Variants in CCSER1 observed in about 807,000 individuals in gnomAD.
CCSER1 encodes serine-rich coiled-coil domain-containing protein 1.
In CCSER1, 41 loss-of-function variants were observed where a neutral mutation model predicts 82.0. That is an observed-to-expected ratio of 0.50 (90% CI 0.39 to 0.65). The LOEUF is 0.65. Ranked by LOEUF, CCSER1 falls within the 30% of genes least tolerant of loss-of-function variation. CCSER1 has a pLI of 0.00. For missense variants in CCSER1, 1,119 were observed against 1,064.2 expected (o/e 1.05, Z -0.72); for synonymous variants, 414 against 383.9 (o/e 1.08, Z -0.92).
At chr4:91,381,797 T>C (rs116220008) in intron 10 of CCSER1, among the ~76,000 whole-genome samples, 2,994 of 152,294 alleles carry the variant, frequency 0.02, 77 homozygotes, top group African/African-American at 0.067. Context: ...GATCTGAGTT[T>C]CTTTGGAGGG....
At chr4:90,847,894 G>T (rs1281231751) in intron 8 of CCSER1, among the ~76,000 whole-genome samples, 1 of 151,694 alleles carries the variant, frequency 6.6e-6, no homozygotes, top group African/African-American at 2.4e-5. Context: ...TTTTTCTCTT[G>T]TTCTTTTTAC....
intron 5 of CCSER1, among the ~76,000 whole-genome samples, chr4:90,581,610 A>C (rs1781423877): frequency 6.6e-6 from 1 of 152,178 alleles, no homozygotes; most frequent in African/African-American, 2.4e-5. Context: ...TTTGGGGGAA[A>C]TCCCTTTAAT....
chr4:91,330,629 C>G (rs1417302801), intron 10 of CCSER1, among the ~76,000 whole-genome samples: 1 of 152,150 alleles, frequency 6.6e-6, no homozygotes, highest in Admixed American at 6.6e-5. Flanking sequence ...TCTTCATTAT[C>G]TTTTCAGTTT....
At chr4:90,809,709 A>G (rs1302119861) in intron 7 of CCSER1, among the ~76,000 whole-genome samples, 1 of 147,382 alleles carries the variant, frequency 6.8e-6, no homozygotes, top group Non-Finnish European at 1.5e-5. Context: ...CAATGAAAAT[A>G]AAATTAAAAA....
intron 9 of CCSER1, among the ~76,000 whole-genome samples, chr4:90,983,124 A>G (rs1227426575): frequency 1.3e-5 from 2 of 151,760 alleles, no homozygotes; most frequent in African/African-American, 4.8e-5. Context: ...AATCACTATC[A>G]CAACCTTTTA....
chr4:90,864,918 A>G (rs1050567743), intron 8 of CCSER1, among the ~76,000 whole-genome samples: 1 of 152,000 alleles, frequency 6.6e-6, no homozygotes, highest in Non-Finnish European at 1.5e-5. Context: ...TTACATTTCT[A>G]TGACTGCTGG....
intron 10 of CCSER1, among the ~76,000 whole-genome samples, chr4:91,536,651 G>A (rs113364775): frequency 8.5e-5 from 13 of 152,088 alleles, no homozygotes; most frequent in African/African-American, 1.7e-4. Context: ...TGTCACTTCC[G>A]TGACCAAAGG....
At chr4:90,529,225 A>T (rs1326071892) in intron 5 of CCSER1, among the ~76,000 whole-genome samples, 2 of 151,270 alleles carry the variant, frequency 1.3e-5, no homozygotes, top group South Asian at 2.1e-4. Flanking sequence ...TTTATTTTTT[A>T]TTTTTTTGCG....
intron 10 of CCSER1, among the ~76,000 whole-genome samples, chr4:91,260,609 G>T (rs568550939): frequency 1.4e-4 from 21 of 152,188 alleles, no homozygotes; most frequent in African/African-American, 5.1e-4. Flanking sequence ...TTCCAAAACC[G>T]CTGTTGTTCG....
chr4:90,843,846 A>G (rs561514355), intron 8 of CCSER1, among the ~76,000 whole-genome samples: 1 of 152,126 alleles, frequency 6.6e-6, no homozygotes, highest in Non-Finnish European at 1.5e-5. Flanking sequence ...TTGTTCTGTA[A>G]TTATTACTGC....
At chr4:91,230,551 A>T (rs1738543173) in intron 10 of CCSER1, among the ~76,000 whole-genome samples, 1 of 152,102 alleles carries the variant, frequency 6.6e-6, no homozygotes, top group Admixed American at 6.6e-5. Flanking sequence ...AGAGATTTTT[A>T]AAATTACTTT....
At chr4:91,505,414 T>G in intron 10 of CCSER1, among the ~76,000 whole-genome samples, 1 of 152,204 alleles carries the variant, frequency 6.6e-6, no homozygotes. Flanking sequence ...TATGCGTGCA[T>G]GTATCTGTAT....
At chr4:90,673,445 A>G (rs2149162254) in intron 6 of CCSER1, among the ~76,000 whole-genome samples, 3 of 152,112 alleles carry the variant, frequency 2.0e-5, no homozygotes, top group Admixed American at 2.0e-4. Context: ...AGCACATCCC[A>G]TTTGTTGGGC....
At chr4:91,059,453 G>T (rs1360290991) in intron 9 of CCSER1, among the ~76,000 whole-genome samples, 1 of 62,456 alleles carries the variant, frequency 1.6e-5, no homozygotes, top group Non-Finnish European at 4.3e-5. Context: ...GCTTTATTAA[G>T]GTTATATATA....
At chr4:91,251,747 G>A (rs76486876) in intron 10 of CCSER1, among the ~76,000 whole-genome samples, 53 of 152,162 alleles carry the variant, frequency 3.5e-4, no homozygotes, top group African/African-American at 9.4e-4. Context: ...TATTACATAC[G>A]TATATAGAAT....
chr4:90,844,810 G>A (rs2149893572), intron 8 of CCSER1, among the ~76,000 whole-genome samples: 2 of 152,220 alleles, frequency 1.3e-5, no homozygotes, highest in South Asian at 4.1e-4. Flanking sequence ...ACAGAGGTTT[G>A]CATTGCTCAA....
At chr4:91,133,823 G>A (rs188478383) in intron 10 of CCSER1, among the ~76,000 whole-genome samples, 10 of 152,250 alleles carry the variant, frequency 6.6e-5, no homozygotes, top group Non-Finnish European at 1.0e-4. Flanking sequence ...AGTGCTTGCC[G>A]GGCATGCTGG....
At chr4:90,324,417 C>A (rs1351472239) in intron 3 of CCSER1, among the ~76,000 whole-genome samples, 1 of 144,196 alleles carries the variant, frequency 6.9e-6, no homozygotes, top group Admixed American at 6.9e-5. Context: ...TCTCTGATGG[C>A]CAGTGATGGT....
chr4:91,412,022 A>G (rs916223115), intron 10 of CCSER1, among the ~76,000 whole-genome samples: 2 of 152,110 alleles, frequency 1.3e-5, no homozygotes, highest in African/African-American at 4.8e-5. Flanking sequence ...GTATCTCTTC[A>G]CAGCAACAAT....
Sources: gnomAD v4.1 joint callset for allele counts (sites outside exome capture counted in the v4.1 genomes callset) on GRCh38, gnomAD v4.1.1 for gene constraint, MANE v1.5 for transcripts, NCBI Gene and HGNC (gene_info 2026-07-23, HGNC 2026-07-21) for gene names.